Variants in DNAAF11 observed in about 807,000 individuals in gnomAD.
The protein encoded by DNAAF11 is dynein axonemal assembly factor 11, also known as leucine rich repeat containing 6.
Under a neutral mutation model 60.8 loss-of-function variants are expected in DNAAF11, and 45 were observed. The ratio of observed to expected loss-of-function variants is 0.74; its 90% CI spans 0.58 to 0.95. The LOEUF (loss-of-function observed/expected upper bound fraction) is 0.95, where lower values mean the gene tolerates loss of function less well. DNAAF11 is among the 40% of genes least tolerant of loss of function. The probability of loss-of-function intolerance (pLI) is 0.00; values close to 1 mark genes in which losing one functional copy is unlikely to be tolerated. For missense variants in DNAAF11, 546 were observed against 546.2 expected (o/e 1.00, Z 0.00); for synonymous variants, 191 against 183.5 (o/e 1.04, Z -0.33).
chr8:132,602,808 A>G (rs1281429234), intron 10 of DNAAF11, among the ~76,000 whole-genome samples: 1 of 150,990 alleles, frequency 6.6e-6, no homozygotes, highest in African/African-American at 2.4e-5. Flanking sequence ...GTATGTTTGT[A>G]ATATATATAA....
intron 8 of DNAAF11, among the ~76,000 whole-genome samples, chr8:132,614,324 T>C (rs1376003545): frequency 6.6e-6 from 1 of 152,108 alleles, no homozygotes; most frequent in Non-Finnish European, 1.5e-5. Context: ...GCCTCTGAGA[T>C]GGTGCCAGGG....
upstream of DNAAF11, among the ~76,000 whole-genome samples, chr8:132,677,154 T>G (rs1284002418): frequency 6.6e-6 from 1 of 152,204 alleles, no homozygotes; most frequent in Non-Finnish European, 1.5e-5. Flanking sequence ...CACTGATGTC[T>G]GATTACTCAC....
chr8:132,580,806 C>A (rs1022364539), intron 11 of DNAAF11, among the ~76,000 whole-genome samples: 1 of 152,080 alleles, frequency 6.6e-6, no homozygotes, highest in African/African-American at 2.4e-5. Context: ...CAATACATAC[C>A]TGTGTGTGTG....
intron 11 of DNAAF11, among the ~76,000 whole-genome samples, chr8:132,581,520 GGCACCAGTAGTCCCA>G (rs1815324349): frequency 6.6e-6 from 1 of 151,820 alleles, no homozygotes; most frequent in South Asian, 2.1e-4. Flanking sequence ...CATGGTGGCA[GGCACCAGTAGTCCCA>G]GCTACTCGGG....
At chr8:132,613,040 AT>A in intron 8 of DNAAF11, among the ~76,000 whole-genome samples, 1 of 152,368 alleles carries the variant, frequency 6.6e-6, no homozygotes, top group Admixed American at 6.5e-5. Context: ...TGAAACAGTG[AT>A]TTGTCTGAAA....
intron 3 of DNAAF11, among the ~76,000 whole-genome samples, chr8:132,641,238 T>TA (rs1415153398): frequency 2.0e-5 from 3 of 152,198 alleles, no homozygotes; most frequent in East Asian, 3.8e-4. Context: ...TGAAATATAG[T>TA]AATGTTACAG....
chr8:132,595,261 C>G (rs112641022), intron 10 of DNAAF11, among the ~76,000 whole-genome samples: 153 of 138,176 alleles, frequency 1.1e-3, no homozygotes, highest in African/African-American at 3.9e-3. Context: ...TTGGAACCTT[C>G]TGTATTCCAG....
chr8:132,629,057 T>G (rs1298253585), intron 5 of DNAAF11, among the ~76,000 whole-genome samples: 4 of 152,208 alleles, frequency 2.6e-5, no homozygotes, highest in Non-Finnish European at 1.5e-5. Context: ...GGACAAAGGA[T>G]GTTTATCCTA....
intron 10 of DNAAF11, among the ~76,000 whole-genome samples, chr8:132,584,618 G>T (rs1214840603): frequency 6.6e-6 from 1 of 152,132 alleles, no homozygotes; most frequent in African/African-American, 2.4e-5. Context: ...TCTGCCTTTT[G>T]TTTTCAAGGA....
In DNAAF11 at chr8:132,661,625, T is replaced by C. The variant is rs763207206; in HGVS notation, c.13A>G (p.Thr5Ala). The change falls in exon 2 of 12, where the codon ACA becomes GCA. Residue 5 changes from threonine (T) to alanine (A), a missense_variant and splice_region_variant. Thr to Ala is a moderately conservative substitution (Grantham distance 58, BLOSUM62 0). Transcript: ENST00000620350. ...GCATTCCGTCTAATAAGATCTTCTG[T>C]GACTGGAAGAAAATGTGTTACATAT... MGWI[T>A]EDLIRRNAEH... The C allele has an allele frequency of 6.2e-7, 1 of 1,613,704 alleles. No homozygotes were observed. The highest frequency in any genetic ancestry group is 8.5e-7 in the Non-Finnish European group (1 of 1,179,608).
chr8:132,593,332 C>CATACATATATAT (rs577618316), intron 10 of DNAAF11, among the ~76,000 whole-genome samples: 28 of 108,696 alleles, frequency 2.6e-4, no homozygotes, highest in South Asian at 3.1e-4. Context: ...TATATACATA[C>CATACATATATAT]ATATATATAT....
chr8:132,629,357 T>C (rs1182240184), intron 5 of DNAAF11, among the ~76,000 whole-genome samples: 1 of 151,646 alleles, frequency 6.6e-6, no homozygotes, highest in Non-Finnish European at 1.5e-5. Flanking sequence ...TTTTTTCTTT[T>C]TTTTTTTTAA....
chr8:132,696,651 G>A, the DNAAF11 span, among the ~76,000 whole-genome samples: 89,590 of 152,080 alleles, frequency 0.59, 29,138 homozygotes, highest in African/African-American at 0.89. Flanking sequence ...CATGAAATCA[G>A]TGACAAGATT....
At chr8:132,625,516 C>A in intron 5 of DNAAF11, 62 bp from the exon 6 acceptor site, 2 of 1,249,550 alleles carry the variant, frequency 1.6e-6, no homozygotes, top group Non-Finnish European at 1.1e-6. Flanking sequence ...ATCCTTAATG[C>A]TGGCCCTTTA....
chr8:132,589,447 A>G (rs2131060212), intron 10 of DNAAF11, among the ~76,000 whole-genome samples: 1 of 152,344 alleles, frequency 6.6e-6, no homozygotes, highest in East Asian at 1.9e-4. Context: ...AGTATTTTAC[A>G]CACGTCCTTA....
At chr8:132,586,441 A>C (rs1815902337) in intron 10 of DNAAF11, among the ~76,000 whole-genome samples, 1 of 152,144 alleles carries the variant, frequency 6.6e-6, no homozygotes, top group Admixed American at 6.5e-5. Context: ...AGCAAGAGAG[A>C]TAGGAACATA....
chr8:132,657,038 C>T, intron 2 of DNAAF11, 131 bp from the exon 3 acceptor site: 2 of 471,774 alleles, frequency 4.2e-6, no homozygotes, highest in Admixed American at 4.1e-5. Flanking sequence ...GTCACTTTTC[C>T]AAATCTATAC....
chr8:132,689,696 CGTGT>C, the DNAAF11 span, among the ~76,000 whole-genome samples: 64 of 148,202 alleles, frequency 4.3e-4, no homozygotes, highest in Admixed American at 4.7e-4. Flanking sequence ...TGTGTATGTA[CGTGT>C]GTGTGTGTGT....
chr8:132,683,956 T>A, the DNAAF11 span, among the ~76,000 whole-genome samples: 5 of 152,314 alleles, frequency 3.3e-5, no homozygotes, highest in South Asian at 4.1e-4. Context: ...ACAGAAAGAT[T>A]AGTGGAGTCA....
Sources: gnomAD v4.1 joint callset for allele counts (sites outside exome capture counted in the v4.1 genomes callset) on GRCh38, gnomAD v4.1.1 for gene constraint, MANE v1.5 for transcripts, NCBI Gene and HGNC (gene_info 2026-07-23, HGNC 2026-07-21) for gene names.